ZNHIT6: variants seen among roughly 807,000 people sequenced by gnomAD.
ZNHIT6 encodes the protein box C/D snoRNA protein 1.
A neutral mutation model predicts 57.2 loss-of-function variants in ZNHIT6; 45 were observed. The observed-to-expected ratio is 0.79, with a 90% CI of 0.62 to 1.01. The LOEUF is 1.01. ZNHIT6 is among the 50% of genes least tolerant of loss of function. The pLI, the probability that ZNHIT6 is intolerant of heterozygous loss-of-function variation, is 0.00. For synonymous variants in ZNHIT6, 188 were observed against 190.0 expected (o/e 0.99, Z 0.09); for missense variants, 528 against 567.3 (o/e 0.93, Z 0.70).
intron 8 of ZNHIT6, among the ~76,000 whole-genome samples, chr1:85,675,562 G>C (rs764540290): frequency 3.3e-5 from 5 of 152,172 alleles, no homozygotes; most frequent in African/African-American, 1.2e-4. Flanking sequence ...CTCTGGAATG[G>C]TAAATGATCA....
intron 5 of ZNHIT6, among the ~76,000 whole-genome samples, chr1:85,687,545 C>G (rs1233505374): frequency 1.3e-5 from 2 of 152,108 alleles, no homozygotes; most frequent in South Asian, 2.1e-4. Flanking sequence ...TTTTAAAAAA[C>G]AGTGAATTGA....
chr1:85,703,105 A>G (rs1662582283), intron 4 of ZNHIT6, among the ~76,000 whole-genome samples: 1 of 152,208 alleles, frequency 6.6e-6, no homozygotes, highest in Non-Finnish European at 1.5e-5. Context: ...AGAGGACTTT[A>G]GTTTCAGTAA....
chr1:85,649,708 C>G lies in ZNHIT6; in HGVS notation c.*4350G>C, dbSNP rs1387489107. The G allele has an allele frequency of 2.0e-5, 3 of 152,092 alleles. No individual in the cohort carries two copies. Among genetic ancestry groups the G allele is most frequent in the Admixed American group, 1.3e-4 (2 of 15,262 alleles). The allele number at this position is 152,092 out of a possible 1,614,324, so 9.4% of individuals were successfully genotyped here. ...ATTTAAGTAGTCTTCATTTTTGAAGCATTTTCCCCTAGTACTCTAATTTCA... is the reference window on the plus strand; with the variant it reads ...ATTTAAGTAGTCTTCATTTTTGAAGGATTTTCCCCTAGTACTCTAATTTCA... On this transcript the variant is annotated 3_prime_UTR_variant, in exon 10 of 10. Coordinates refer to ENST00000370574, the MANE Select transcript of ZNHIT6 (RefSeq NM_017953.4).
chr1:85,702,131 G>A (rs1570334731), intron 5 of ZNHIT6, 26 bp downstream of exon 5: 1 of 1,454,456 alleles, frequency 6.9e-7, no homozygotes, highest in East Asian at 2.3e-5. Flanking sequence ...CAGAATACCT[G>A]ATATACTAAA....
intron 8 of ZNHIT6, among the ~76,000 whole-genome samples, chr1:85,676,612 T>C (rs186038455): frequency 2.0e-4 from 31 of 152,290 alleles, no homozygotes; most frequent in Non-Finnish European, 4.4e-4. Context: ...AATTTCAATA[T>C]TATTGTGTCT....
chr1:85,649,944 A>G lies in ZNHIT6; in HGVS notation c.*4114T>C, dbSNP rs1206050338. 1 of 152,222 alleles carries G rather than the reference A, an allele frequency of 6.6e-6. No homozygotes were observed. Among genetic ancestry groups the G allele is most frequent in the Non-Finnish European group, 1.5e-5 (1 of 68,038 alleles). 9.4% of individuals were successfully genotyped at this position (152,222 alleles called of 1,614,324 possible). A position where few individuals can be genotyped will look rare whatever the true frequency, so the allele number is the denominator to read the frequency against. ...TAAAATCTCTAGTTAAAAACAATCAAGACTTGCAGATTAAATCTGAACTTT... is the reference window on the plus strand; with the variant it reads ...TAAAATCTCTAGTTAAAAACAATCAGGACTTGCAGATTAAATCTGAACTTT... On this transcript the variant is annotated 3_prime_UTR_variant, in exon 10 of 10. Transcript: ENST00000370574.
chr1:85,680,844 T>C lies in ZNHIT6; in HGVS notation c.1080A>G (p.Ile360Met), dbSNP rs1661854364. The C allele has an allele frequency of 6.2e-7, 1 of 1,611,448 alleles. No individual in the cohort carries two copies. The highest frequency in any genetic ancestry group is 8.5e-7 in the Non-Finnish European group (1 of 1,178,802). The change falls in exon 6 of 10, where the codon ATA (isoleucine) becomes ATG (methionine). Residue 360 changes from isoleucine (I) to methionine (M), a missense_variant. By Grantham distance (10) the Ile-to-Met change is conservative (BLOSUM62 1). Transcript: ENST00000370574. The stretch of plus-strand genomic sequence containing the variant: ...AAAGATAGCAGTGATACCTTTTTTC[T>C]ATGTACTCAGCTTGACTTTGAGGAA... Reference protein sequence around the residue: ...LQFPQSQAEYIEKRVPDDKTI... With the variant: ...LQFPQSQAEYMEKRVPDDKTI...
intron 5 of ZNHIT6, among the ~76,000 whole-genome samples, chr1:85,693,844 C>G (rs949911524): frequency 6.6e-6 from 1 of 152,090 alleles, no homozygotes; most frequent in Non-Finnish European, 1.5e-5. Flanking sequence ...AGGGGCTGGG[C>G]GTGGGGGCTG....
chr1:85,668,352 A>T (rs1361429084), intron 8 of ZNHIT6, among the ~76,000 whole-genome samples: 2 of 152,152 alleles, frequency 1.3e-5, no homozygotes, highest in East Asian at 1.9e-4. Flanking sequence ...CCCATTTATC[A>T]ACTTGGTATC....
chr1:85,702,127 A>G, intron 5 of ZNHIT6, 30 bp downstream of exon 5: 1 of 1,420,974 alleles, frequency 7.0e-7, no homozygotes, highest in Non-Finnish European at 9.8e-7. Context: ...AAATCAGAAT[A>G]CCTGATATAC....
At chr1:85,672,895 A>G (rs1339013485) in intron 8 of ZNHIT6, among the ~76,000 whole-genome samples, 1 of 152,200 alleles carries the variant, frequency 6.6e-6, no homozygotes, top group East Asian at 1.9e-4. Flanking sequence ...ATAATTCCAT[A>G]AAAGTAAAAT....
At chr1:85,659,103 T>C (rs939243898) in intron 8 of ZNHIT6, among the ~76,000 whole-genome samples, 1 of 152,154 alleles carries the variant, frequency 6.6e-6, no homozygotes, top group Non-Finnish European at 1.5e-5. Context: ...GAAATTTATA[T>C]TGCCATGTAA....
intron 5 of ZNHIT6, among the ~76,000 whole-genome samples, chr1:85,681,552 A>T (rs1201145834): frequency 6.6e-6 from 1 of 152,244 alleles, no homozygotes; most frequent in East Asian, 1.9e-4. Flanking sequence ...CAGAAATTTA[A>T]ATGTCTTCAC....
intron 5 of ZNHIT6, among the ~76,000 whole-genome samples, chr1:85,696,108 T>A (rs1026218446): frequency 1.3e-5 from 2 of 151,806 alleles, no homozygotes; most frequent in African/African-American, 4.8e-5. Context: ...ATATATCAAA[T>A]AGAACTCATA....
intron 5 of ZNHIT6, among the ~76,000 whole-genome samples, chr1:85,697,233 G>A (rs1295297102): frequency 6.6e-6 from 1 of 151,946 alleles, no homozygotes; most frequent in Non-Finnish European, 1.5e-5. Flanking sequence ...TCTTAATAAT[G>A]CATAAGCACT....
intron 5 of ZNHIT6, among the ~76,000 whole-genome samples, 161 bp from the exon 6 acceptor site, chr1:85,681,065 G>A (rs754977772): frequency 5.9e-5 from 9 of 151,634 alleles, no homozygotes; most frequent in Non-Finnish European, 1.3e-4. Flanking sequence ...GGGTTATTAA[G>A]AAAGAAAAAA....
At chr1:85,665,106 A>G (rs1365440369) in intron 8 of ZNHIT6, among the ~76,000 whole-genome samples, 1 of 151,000 alleles carries the variant, frequency 6.6e-6, no homozygotes, top group Non-Finnish European at 1.5e-5. Context: ...TCTCTTGTTC[A>G]GTACCAACAT....
At chr1:85,667,961 A>AAAAAAAAAAAAAAATATGTATATATAT in intron 8 of ZNHIT6, among the ~76,000 whole-genome samples, 2 of 18,200 alleles carry the variant, frequency 1.1e-4, no homozygotes, top group African/African-American at 4.2e-4. Context: ...AAAAAAAAAA[A>AAAAAAAAAAAAAAATATGTATATATAT]ATATATATAT....
intron 8 of ZNHIT6, among the ~76,000 whole-genome samples, chr1:85,672,241 C>T (rs1661575511): frequency 6.6e-6 from 1 of 152,054 alleles, no homozygotes; most frequent in Non-Finnish European, 1.5e-5. Flanking sequence ...CCTTTGATTC[C>T]TATTTATTGC....
Sources: allele counts gnomAD v4.1 joint callset (sites outside exome capture counted in the v4.1 genomes callset), GRCh38; gene constraint gnomAD v4.1.1; transcripts MANE v1.5; gene names NCBI Gene and HGNC (gene_info 2026-07-23, HGNC 2026-07-21).